The following ROR1 variants were observed in gnomAD, a reference collection of about 807,000 sequenced individuals.
ROR1 encodes inactive tyrosine-protein kinase transmembrane receptor ROR1.
In ROR1, 19 loss-of-function variants were observed where a neutral mutation model predicts 78.8. The ratio of observed to expected loss-of-function variants is 0.24; its 90% CI spans 0.17 to 0.35. ROR1 has a LOEUF of 0.35. ROR1 is among the 10% of genes least tolerant of loss of function. The pLI is 1.00. For missense variants in ROR1, 917 were observed against 1,177.8 expected, an observed-to-expected ratio of 0.78 and a Z score of 3.24; for synonymous variants, 386 against 433.6, an observed-to-expected ratio of 0.89 and a Z score of 1.36.
At chr1:64,061,722 G>A (rs773374146) in intron 4 of ROR1, among the ~76,000 whole-genome samples, 7 of 152,100 alleles carry the variant, frequency 4.6e-5, no homozygotes, top group African/African-American at 7.2e-5. Flanking sequence ...CAGTGACCCT[G>A]GGCAAATTGC....
chr1:63,866,908 T>C (rs1028626843), intron 1 of ROR1, among the ~76,000 whole-genome samples: 1 of 152,188 alleles, frequency 6.6e-6, no homozygotes, highest in South Asian at 2.1e-4. Context: ...GTTTTTTTTT[T>C]CCCTAAGAAG....
At chr1:63,780,820 T>G (rs2100220408) in intron 1 of ROR1, among the ~76,000 whole-genome samples, 1 of 152,270 alleles carries the variant, frequency 6.6e-6, no homozygotes, top group South Asian at 2.1e-4. Context: ...CCCTCCCAGG[T>G]GCTTAGTGTA....
At chr1:64,074,132 C>CTT (rs1647030275) in intron 4 of ROR1, among the ~76,000 whole-genome samples, 1 of 152,130 alleles carries the variant, frequency 6.6e-6, no homozygotes, top group Non-Finnish European at 1.5e-5. Context: ...TGCGGAAAAC[C>CTT]ACCTCATGCC....
At chr1:63,950,091 G>A (rs531739276) in intron 1 of ROR1, among the ~76,000 whole-genome samples, 3 of 152,314 alleles carry the variant, frequency 2.0e-5, no homozygotes, top group South Asian at 4.1e-4. Context: ...AGCCTCTGGA[G>A]ATTCTGATTA....
intron 1 of ROR1, among the ~76,000 whole-genome samples, chr1:63,796,063 A>G (rs996795301): frequency 6.6e-6 from 1 of 152,006 alleles, no homozygotes; most frequent in Non-Finnish European, 1.5e-5. Context: ...GGAGAGAGAG[A>G]GTTTAGCTCT....
At chr1:64,038,214 C>A (rs1430829947) in intron 2 of ROR1, among the ~76,000 whole-genome samples, 1 of 152,186 alleles carries the variant, frequency 6.6e-6, no homozygotes. Context: ...CCTGCACATT[C>A]CAGCAAGAGG....
At position 64,112,852 on chromosome 1, in the gene ROR1, C is replaced by T. The variant is rs1423618139; in HGVS notation, c.483-24517C>T. On this transcript the variant is annotated intron_variant, in intron 4 of 8. Transcript: ENST00000371079. ...TATCAGCCAACCCTGACTCTTTTCC[C>T]GAATGCAAGACCTGCATTTCCAGCC... Among the ~76,000 whole-genome samples, 4 of 152,286 alleles carry T rather than the reference C, an allele frequency of 2.6e-5. No individual in the cohort carries two copies. In the South Asian group the frequency reaches 6.2e-4, roughly 24 times the overall value.
At chr1:63,923,966 T>C (rs1645678407) in intron 1 of ROR1, among the ~76,000 whole-genome samples, 1 of 152,006 alleles carries the variant, frequency 6.6e-6, no homozygotes, top group Admixed American at 6.6e-5. Context: ...GGAATGCTAT[T>C]CTCCAAGATC....
chr1:64,151,620 C>G (rs1382902971), intron 7 of ROR1, among the ~76,000 whole-genome samples: 1 of 151,582 alleles, frequency 6.6e-6, no homozygotes, highest in East Asian at 1.9e-4. Flanking sequence ...TGCCTGTAAT[C>G]CTAGCACTTT....
intron 2 of ROR1, among the ~76,000 whole-genome samples, chr1:64,016,364 ATAAT>A (rs1444000324): frequency 2.6e-5 from 4 of 152,204 alleles, no homozygotes; most frequent in African/African-American, 9.6e-5. Flanking sequence ...TATCTTACTA[ATAAT>A]TTTTACATTG....
At chr1:64,050,606 G>C (rs933221685) in intron 3 of ROR1, 80 bp from the exon 4 acceptor site, 6 of 1,318,236 alleles carry the variant, frequency 4.6e-6, no homozygotes, top group East Asian at 4.6e-5. Flanking sequence ...ACTTTAATTT[G>C]TAATGATTTG....
intron 1 of ROR1, among the ~76,000 whole-genome samples, chr1:63,883,888 AG>A (rs1557543107): frequency 2.6e-5 from 4 of 152,296 alleles, no homozygotes; most frequent in Non-Finnish European, 5.9e-5. Context: ...TCCTGCTCAG[AG>A]GCGAGGAGGT....
At chr1:64,070,195 A>G (rs1397631975) in intron 4 of ROR1, among the ~76,000 whole-genome samples, 1 of 152,194 alleles carries the variant, frequency 6.6e-6, no homozygotes, top group African/African-American at 2.4e-5. Context: ...AATGTGTTCA[A>G]GGTTCATCCA....
intron 4 of ROR1, among the ~76,000 whole-genome samples, chr1:64,051,464 A>AT (rs1248669852): frequency 6.9e-6 from 1 of 145,070 alleles, no homozygotes; most frequent in African/African-American, 2.6e-5. Flanking sequence ...ATAAAAAATA[A>AT]AATAAAATAA....
intron 1 of ROR1, among the ~76,000 whole-genome samples, chr1:63,860,785 A>AAG (rs988369505): frequency 2.0e-5 from 3 of 151,686 alleles, no homozygotes; most frequent in Non-Finnish European, 4.4e-5. Context: ...AAAAAAAAAA[A>AAG]AAAAAGAAGA....
chr1:63,803,312 G>C (rs1245455614), intron 1 of ROR1, among the ~76,000 whole-genome samples: 1 of 151,904 alleles, frequency 6.6e-6, no homozygotes, highest in Non-Finnish European at 1.5e-5. Flanking sequence ...GCCGAGTATG[G>C]TATGAAATAT....
At chr1:64,092,024 A>G (rs1353609505) in intron 4 of ROR1, among the ~76,000 whole-genome samples, 4 of 152,062 alleles carry the variant, frequency 2.6e-5, no homozygotes, top group African/African-American at 9.7e-5. Context: ...ATTACTTATT[A>G]CAATTTTGGG....
At chr1:63,888,133 G>A (rs1444997387) in intron 1 of ROR1, among the ~76,000 whole-genome samples, 4 of 152,092 alleles carry the variant, frequency 2.6e-5, no homozygotes, top group African/African-American at 9.7e-5. Flanking sequence ...TATTTTAAAA[G>A]CAGTATCTAT....
chr1:64,128,758 C>A (rs143115041), intron 4 of ROR1, among the ~76,000 whole-genome samples: 2 of 151,944 alleles, frequency 1.3e-5, no homozygotes, highest in East Asian at 3.9e-4. Flanking sequence ...ACAGAGTATG[C>A]CTGATGAGAC....
Sources: allele counts gnomAD v4.1 joint callset (sites outside exome capture counted in the v4.1 genomes callset), GRCh38; gene constraint gnomAD v4.1.1; transcripts MANE v1.5; gene names NCBI Gene and HGNC (gene_info 2026-07-23, HGNC 2026-07-21).